FAF1: variants seen among roughly 807,000 people sequenced by gnomAD.
The protein encoded by FAF1 is Fas associated factor 1, also known as FAS-associated factor 1.
Under a neutral mutation model 92.5 loss-of-function variants are expected in FAF1, and 25 were observed. The observed-to-expected ratio is 0.27, with a 90% CI of 0.20 to 0.38. The LOEUF (loss-of-function observed/expected upper bound fraction) is 0.38, where lower values mean the gene tolerates loss of function less well. FAF1 is among the 10% of genes least tolerant of loss of function. FAF1 has a pLI of 1.00. For synonymous variants in FAF1, 234 were observed against 273.2 expected (o/e 0.86, Z 1.42); for missense variants, 636 against 793.3 (o/e 0.80, Z 2.38).
intron 12 of FAF1, 182 bp downstream of exon 12, chr1:50,582,436 T>A: frequency 2.0e-6 from 1 of 505,486 alleles, no homozygotes; most frequent in East Asian, 2.9e-5. Flanking sequence ...ATACTAAAAT[T>A]GGACTTATAC....
intron 4 of FAF1, among the ~76,000 whole-genome samples, chr1:50,768,579 C>T (rs982852361): frequency 1.3e-5 from 2 of 151,732 alleles, no homozygotes; most frequent in Non-Finnish European, 2.9e-5. Context: ...AAAACAATAG[C>T]AATCACACTA....
intron 2 of FAF1, among the ~76,000 whole-genome samples, chr1:50,821,146 AATACAG>A (rs1445854531): frequency 6.6e-6 from 1 of 152,240 alleles, no homozygotes; most frequent in East Asian, 1.9e-4. Flanking sequence ...CAAATGAAAT[AATACAG>A]ATAAAGTACT....
chr1:50,488,414 A>C (rs965518474), intron 17 of FAF1, among the ~76,000 whole-genome samples: 7 of 152,220 alleles, frequency 4.6e-5, no homozygotes, highest in African/African-American at 1.7e-4. Context: ...ACACTGAGTT[A>C]ATTGTGTACC....
chr1:50,458,459 A>G (rs537133965), intron 18 of FAF1, among the ~76,000 whole-genome samples: 1 of 152,206 alleles, frequency 6.6e-6, no homozygotes, highest in Non-Finnish European at 1.5e-5. Context: ...AATAGGCACA[A>G]AAAGAAATAG....
At chr1:50,557,981 C>T (rs961345711) in intron 13 of FAF1, among the ~76,000 whole-genome samples, 1 of 151,860 alleles carries the variant, frequency 6.6e-6, no homozygotes, top group African/African-American at 2.4e-5. Context: ...GGTGCAATCT[C>T]GGCTCACTGC....
intron 8 of FAF1, among the ~76,000 whole-genome samples, chr1:50,648,140 T>C (rs1215693079): frequency 6.6e-6 from 1 of 152,056 alleles, no homozygotes; most frequent in Non-Finnish European, 1.5e-5. Flanking sequence ...ACGCCTGTAA[T>C]CCCAGCTATG....
intron 15 of FAF1, among the ~76,000 whole-genome samples, chr1:50,493,617 A>G (rs1557968346): frequency 6.6e-6 from 1 of 152,198 alleles, no homozygotes; most frequent in Non-Finnish European, 1.5e-5. Flanking sequence ...AAACTACCCC[A>G]TGACACTGTA....
chr1:50,726,143 C>A (rs1234328294), intron 6 of FAF1, among the ~76,000 whole-genome samples: 1 of 152,024 alleles, frequency 6.6e-6, no homozygotes, highest in African/African-American at 2.4e-5. Flanking sequence ...GTAATCCCAG[C>A]TACTCGGGAG....
Position 50,480,896 on chromosome 1 carries a change from C to G in FAF1, c.1654-5217G>C, listed in dbSNP as rs1166145304. Among the ~76,000 whole-genome samples the G allele has an allele frequency of 3.9e-5, 6 of 152,188 alleles. No homozygotes were observed. The East Asian group carries it at 1.2e-3, about 29-fold the overall frequency. ...AGAGATGACAGCTCCGTGTGTGTTACTGCCCCAAAGACTTTCCAGTGGACA... is the reference window on the plus strand; with the variant it reads ...AGAGATGACAGCTCCGTGTGTGTTAGTGCCCCAAAGACTTTCCAGTGGACA... On this transcript the variant is annotated intron_variant, in intron 17 of 18. Transcript: ENST00000396153.
chr1:50,761,809 A>G (rs945561661), intron 4 of FAF1, among the ~76,000 whole-genome samples: 1 of 152,154 alleles, frequency 6.6e-6, no homozygotes, highest in African/African-American at 2.4e-5. Flanking sequence ...CACCGCTCCT[A>G]TTCAACATAG....
chr1:50,731,012 T>G (rs1259745821), intron 6 of FAF1, among the ~76,000 whole-genome samples: 1 of 152,200 alleles, frequency 6.6e-6, no homozygotes, highest in African/African-American at 2.4e-5. Context: ...TCTGAAGAAC[T>G]AGGAACTGCC....
chr1:50,882,731 A>C (rs561463644), intron 1 of FAF1, among the ~76,000 whole-genome samples: 59 of 152,116 alleles, frequency 3.9e-4, no homozygotes, highest in South Asian at 1.5e-3. Flanking sequence ...CACACCTGTA[A>C]TCCCAGCACT....
intron 8 of FAF1, among the ~76,000 whole-genome samples, chr1:50,626,054 T>C (rs1653483597): frequency 6.6e-6 from 1 of 152,198 alleles, no homozygotes; most frequent in South Asian, 2.1e-4. Context: ...TTTTGCATAT[T>C]CCAAAATCAA....
At chr1:50,613,375 A>G (rs947325619) in intron 8 of FAF1, among the ~76,000 whole-genome samples, 13 of 152,232 alleles carry the variant, frequency 8.5e-5, no homozygotes, top group African/African-American at 3.1e-4. Context: ...TACCTTCAAC[A>G]TAATTTGAAC....
intron 4 of FAF1, among the ~76,000 whole-genome samples, chr1:50,749,809 G>A (rs1313674338): frequency 2.0e-5 from 3 of 150,962 alleles, no homozygotes; most frequent in East Asian, 1.9e-4. Context: ...AAAAAAACAC[G>A]ATTCTCAGCC....
At chr1:50,456,015 CAGTGAGCTGAG>C (rs1482849449) in intron 18 of FAF1, among the ~76,000 whole-genome samples, 1 of 151,970 alleles carries the variant, frequency 6.6e-6, no homozygotes, top group Non-Finnish European at 1.5e-5. Context: ...GCGGAGATGG[CAGTGAGCTGAG>C]ATGGCACCAC....
At chr1:50,685,069 G>A (rs1469559083) in intron 7 of FAF1, among the ~76,000 whole-genome samples, 1 of 152,182 alleles carries the variant, frequency 6.6e-6, no homozygotes, top group Non-Finnish European at 1.5e-5. Flanking sequence ...TGTCAGCTGA[G>A]TGTAGTCTTC....
intron 4 of FAF1, among the ~76,000 whole-genome samples, chr1:50,756,777 A>G (rs1321787675): frequency 6.6e-6 from 1 of 152,188 alleles, no homozygotes; most frequent in African/African-American, 2.4e-5. Flanking sequence ...AGGCAAAGAG[A>G]GAGAGCTTGT....
chr1:50,466,739 G>A (rs1646501155), intron 18 of FAF1, among the ~76,000 whole-genome samples: 1 of 152,102 alleles, frequency 6.6e-6, no homozygotes, highest in African/African-American at 2.4e-5. Flanking sequence ...TCCTTCGCCT[G>A]GTATTCCAGT....
Sources: gnomAD v4.1 joint callset for allele counts (sites outside exome capture counted in the v4.1 genomes callset) on GRCh38, gnomAD v4.1.1 for gene constraint, MANE v1.5 for transcripts, NCBI Gene and HGNC (gene_info 2026-07-23, HGNC 2026-07-21) for gene names.